The following GNG7 variants were observed in gnomAD, a reference collection of about 807,000 sequenced individuals.
GNG7 encodes the protein guanine nucleotide-binding protein G(I)/G(S)/G(O) subunit gamma-7.
In GNG7, 1 loss-of-function variant was observed where a neutral mutation model predicts 4.0. That is an observed-to-expected ratio of 0.25 (90% CI 0.09 to 1.18). GNG7 has a LOEUF of 1.18. Among genes scored for constraint, GNG7 ranks in the 50% most tolerant of loss-of-function variants. The pLI is 0.50. For synonymous variants in GNG7, 34 were observed against 36.9 expected, an observed-to-expected ratio of 0.92 and a Z score of 0.29; for missense variants, 86 against 91.9, an observed-to-expected ratio of 0.94 and a Z score of 0.26.
At chr19:2,696,468 T>G (rs1250262702) in intron 1 of GNG7, among the ~76,000 whole-genome samples, 1 of 152,038 alleles carries the variant, frequency 6.6e-6, no homozygotes, top group Admixed American at 6.6e-5. Flanking sequence ...TAAACAAACA[T>G]CCCAAGCTTC....
At chr19:2,661,307 A>G (rs867636047) in intron 1 of GNG7, among the ~76,000 whole-genome samples, 28 of 134,598 alleles carry the variant, frequency 2.1e-4, no homozygotes, top group Non-Finnish European at 2.6e-4. Flanking sequence ...AGAAAGAGAA[A>G]GAAAGAAAGA....
At chr19:2,670,471 T>A (rs1162094969) in intron 1 of GNG7, among the ~76,000 whole-genome samples, 4 of 152,240 alleles carry the variant, frequency 2.6e-5, no homozygotes, top group Non-Finnish European at 5.9e-5. Flanking sequence ...AAGTCAGCCC[T>A]GCAGCCTCCA....
At chr19:2,665,554 C>T (rs909386399) in intron 1 of GNG7, among the ~76,000 whole-genome samples, 18 of 152,122 alleles carry the variant, frequency 1.2e-4, no homozygotes, top group African/African-American at 4.1e-4. Context: ...CACTGAGTCC[C>T]GAGGAAGGAT....
rs552266289 is a variant in GNG7 at position 2,516,163 on chromosome 19, G to A, written c.82-1016C>T. ...GCCTGGGAGGTTAAGGCTGCAGTGA[G>A]TCAAGATTACACCATTGCACTCCAG... On this transcript the variant is annotated intron_variant, in intron 4 of 4. Coordinates refer to ENST00000382159, the MANE Select transcript of GNG7 (RefSeq NM_052847.3). Among the ~76,000 whole-genome samples the A allele has an allele frequency of 4.6e-5, 7 of 152,134 alleles. No individual in the cohort carries two copies. The South Asian group carries it at 1.5e-3, about 32-fold the overall frequency.
intron 2 of GNG7, among the ~76,000 whole-genome samples, chr19:2,604,226 T>C (rs968867493): frequency 2.0e-5 from 3 of 151,792 alleles, no homozygotes; most frequent in African/African-American, 7.3e-5. Flanking sequence ...TCCCAGCACT[T>C]TGGGAGGCCG....
In GNG7 at chr19:2,513,250, G is replaced by T; in HGVS notation, c.*1772C>A. On this transcript the variant is annotated 3_prime_UTR_variant, in exon 5 of 5. Transcript: ENST00000382159. ...CGGGCCTGCACGGAGGACCTGGGCG[G>T]CCGTCCAGGAACCCTCTCGGCACGG... 1.7e-6 allele frequency: 1 copy of T among 578,722 alleles called. No individual in the cohort carries two copies. Among genetic ancestry groups the T allele is most frequent in the Non-Finnish European group, 2.2e-6 (1 of 458,518 alleles). The allele number at this position is 578,722 out of a possible 1,614,324, so 35.8% of individuals were successfully genotyped here. A position where few individuals can be genotyped will look rare whatever the true frequency, so the allele number is the denominator to read the frequency against.
At chr19:2,578,970 G>A (rs1305123860) in intron 2 of GNG7, among the ~76,000 whole-genome samples, 2 of 152,008 alleles carry the variant, frequency 1.3e-5, no homozygotes, top group South Asian at 2.1e-4. Context: ...GTGGCCCGGC[G>A]CCAGACCTGC....
chr19:2,689,957 A>G (rs1164999447), intron 1 of GNG7, among the ~76,000 whole-genome samples: 1 of 152,178 alleles, frequency 6.6e-6, no homozygotes, highest in African/African-American at 2.4e-5. Flanking sequence ...CCAATAAAAC[A>G]TTATTTCTGG....
At chr19:2,594,200 A>G (rs1056740225) in intron 2 of GNG7, among the ~76,000 whole-genome samples, 2 of 151,972 alleles carry the variant, frequency 1.3e-5, no homozygotes, top group African/African-American at 4.8e-5. Flanking sequence ...GAGAAACCCC[A>G]TCTCTACTAA....
intron 2 of GNG7, among the ~76,000 whole-genome samples, chr19:2,559,859 G>A (rs1324686651): frequency 6.7e-6 from 1 of 150,210 alleles, no homozygotes; most frequent in Non-Finnish European, 1.5e-5. Flanking sequence ...TGTTGAATAG[G>A]GCAGCTGCTC....
chr19:2,582,487 C>T (rs962035945), intron 2 of GNG7, among the ~76,000 whole-genome samples: 3 of 146,948 alleles, frequency 2.0e-5, no homozygotes, highest in Non-Finnish European at 4.6e-5. Flanking sequence ...CTTTAAATGA[C>T]AATTTTTTTT....
intron 2 of GNG7, among the ~76,000 whole-genome samples, chr19:2,558,084 G>A (rs573667306): frequency 2.6e-5 from 4 of 151,626 alleles, no homozygotes; most frequent in South Asian, 2.1e-4. Flanking sequence ...CTCGTGATCC[G>A]CCCACCTCGG....
At chr19:2,540,688 A>G (rs1331953146) in intron 3 of GNG7, among the ~76,000 whole-genome samples, 1 of 152,106 alleles carries the variant, frequency 6.6e-6, no homozygotes, top group Non-Finnish European at 1.5e-5. Flanking sequence ...GTCTCTGCCG[A>G]GCAGACAGCG....
intron 2 of GNG7, among the ~76,000 whole-genome samples, chr19:2,608,245 A>G (rs998324344): frequency 2.6e-5 from 4 of 151,800 alleles, no homozygotes; most frequent in African/African-American, 9.7e-5. Context: ...ATGTCTGAGG[A>G]GCAGAAAGAC....
At chr19:2,525,145 C>T (rs1381300369) in intron 3 of GNG7, among the ~76,000 whole-genome samples, 2 of 152,182 alleles carry the variant, frequency 1.3e-5, no homozygotes, top group African/African-American at 4.8e-5. Context: ...TGCAGAGGCG[C>T]ACGGGTGCCG....
chr19:2,609,010 T>TTC lies in GNG7; in HGVS notation c.-78+37212_-78+37213dup, dbSNP rs3064559. ...ATCATGCCTACCTAGTTCTTGTACATTCTCTCTCTCTCTCTCTCTCTCTTT... is the reference window on the plus strand; with the variant it reads ...ATCATGCCTACCTAGTTCTTGTACATTCTCTCTCTCTCTCTCTCTCTCTCTTT... On this transcript the variant is annotated intron_variant, in intron 2 of 4. Coordinates refer to ENST00000382159, the MANE Select transcript of GNG7 (RefSeq NM_052847.3). The surrounding 1 kb of genome is among the most constrained non-coding windows in gnomAD (Gnocchi z 4.4). Among the ~76,000 whole-genome samples the TTC allele has an allele frequency of 6.0e-3, 896 of 149,438 alleles. 16 individuals carry two copies. Among genetic ancestry groups the TTC allele is most frequent in the African/African-American group, 0.02 (819 of 40,642 alleles).
intron 1 of GNG7, among the ~76,000 whole-genome samples, chr19:2,674,947 C>A (rs1426908425): frequency 6.6e-6 from 1 of 152,190 alleles, no homozygotes; most frequent in Non-Finnish European, 1.5e-5. Flanking sequence ...GAAAACAATG[C>A]TCTTTCGTAA....
intron 2 of GNG7, among the ~76,000 whole-genome samples, chr19:2,570,428 G>T (rs1980111148): frequency 6.6e-6 from 1 of 152,140 alleles, no homozygotes. Context: ...AGCTTGACTG[G>T]GCCTCAGGTC....
At chr19:2,659,190 CA>C (rs1484391868) in intron 1 of GNG7, among the ~76,000 whole-genome samples, 1 of 152,082 alleles carries the variant, frequency 6.6e-6, no homozygotes, top group East Asian at 2.0e-4. Flanking sequence ...AGGATGGTCT[CA>C]ATCTCCTGAC....
Sources: allele counts gnomAD v4.1 joint callset (sites outside exome capture counted in the v4.1 genomes callset), GRCh38; gene constraint gnomAD v4.1.1; non-coding constraint Gnocchi (gnomAD v3.1); transcripts MANE v1.5; gene names NCBI Gene and HGNC (gene_info 2026-07-23, HGNC 2026-07-21).